The following JAKMIP1 variants were observed in gnomAD, a reference collection of about 807,000 sequenced individuals.
JAKMIP1 encodes the protein janus kinase and microtubule-interacting protein 1.
A neutral mutation model predicts 113.0 loss-of-function variants in JAKMIP1; 33 were observed. The observed-to-expected ratio is 0.29, with a 90% CI of 0.22 to 0.39. JAKMIP1 has a LOEUF of 0.39. Among genes scored for constraint, JAKMIP1 ranks in the 10% least tolerant of loss-of-function variants. JAKMIP1 has a pLI of 1.00. For missense variants in JAKMIP1, 813 were observed against 1,080.5 expected (o/e 0.75, Z 3.47); for synonymous variants, 480 against 459.9 (o/e 1.04, Z -0.56).
Position 6,180,567 on chromosome 4 carries a change from T to G in JAKMIP1, c.-148+19686A>C, listed in dbSNP as rs1024490119. On this transcript the variant is annotated intron_variant, in intron 1 of 20. Transcript: ENST00000409021. The surrounding 1 kb of genome is among the most constrained non-coding windows in gnomAD (Gnocchi z 4.5). ...CATGCACCAAGTAATAAGTCACCAT[T>G]TATATAGCTCTCACTGTGTAGCAGG... Among the ~76,000 whole-genome samples the G allele has an allele frequency of 7.9e-5, 12 of 152,146 alleles. No homozygotes were observed. The highest frequency in any genetic ancestry group is 2.7e-4 in the African/African-American group (11 of 41,430).
intron 18 of JAKMIP1, among the ~76,000 whole-genome samples, chr4:6,038,384 A>C (rs190919082): frequency 1.6e-5 from 2 of 125,570 alleles, no homozygotes; most frequent in East Asian, 4.0e-4. Flanking sequence ...GGCAGAGGCT[A>C]ACCCAATAGC....
chr4:6,134,061 C>G lies in JAKMIP1; in HGVS notation c.-147-21064G>C, dbSNP rs553360282. On this transcript the variant is annotated intron_variant, in intron 1 of 20. Coordinates refer to ENST00000409021, the MANE Select transcript of JAKMIP1 (RefSeq NM_001099433.2). ...ATTGTAATCCCCCTGATCCCCAGGT[C>G]GAGGGAGATGCCTGGAGGAAGGTGA... is the stretch of plus-strand genomic sequence containing the variant. 1.1e-3 allele frequency among the ~76,000 whole-genome samples: 160 copies of G among 152,278 alleles called. 1 individual carries two copies. The highest frequency in any genetic ancestry group is 3.2e-3 in the African/African-American group (133 of 41,564).
rs77004710 is a variant in JAKMIP1 at position 6,161,392 on chromosome 4, C to T, written c.-148+38861G>A. Among the ~76,000 whole-genome samples, 1,246 of 147,430 alleles carry T rather than the reference C, an allele frequency of 8.5e-3. 12 individuals carry two copies. The highest frequency in any genetic ancestry group is 0.031 in the African/African-American group (1,166 of 37,120). On this transcript the variant is annotated intron_variant, in intron 1 of 20. Transcript: ENST00000409021. ...TGTGGTCCGACCTATCTGGCTGCCCCGTGGGCTTTGGCATAGCTGGCAGGT... is the reference window on the plus strand; with the variant it reads ...TGTGGTCCGACCTATCTGGCTGCCCTGTGGGCTTTGGCATAGCTGGCAGGT...
intron 1 of JAKMIP1, among the ~76,000 whole-genome samples, chr4:6,132,297 A>C (rs1418241210): frequency 2.0e-5 from 3 of 152,220 alleles, no homozygotes; most frequent in African/African-American, 7.2e-5. Context: ...AAGTTTTTTA[A>C]AAAGTACACT....
In JAKMIP1 at chr4:6,049,679, G is replaced by A; in HGVS notation, c.1962+140C>T. The A allele has an allele frequency of 7.5e-6, 5 of 668,946 alleles. No homozygotes were observed. In the Admixed American group the frequency reaches 1.3e-4, roughly 18 times the overall value. 41.4% of individuals were successfully genotyped at this position (668,946 alleles called of 1,614,324 possible). On this transcript the variant is annotated intron_variant, in intron 15 of 20. Transcript: ENST00000409021. The surrounding 1 kb of genome is among the most constrained non-coding windows in gnomAD (Gnocchi z 7.0). ...ACCCCACCACCCACACAGGAACACG[G>A]CCATACAAAAGCCTTACATTGTACT...
intron 2 of JAKMIP1, among the ~76,000 whole-genome samples, chr4:6,111,597 C>T (rs765087522): frequency 6.6e-6 from 1 of 152,314 alleles, no homozygotes; most frequent in East Asian, 1.9e-4. Flanking sequence ...ACAGAGGTTT[C>T]GGAGACTTTT....
chr4:6,088,756 G>C lies in JAKMIP1; in HGVS notation c.625-3127C>G, dbSNP rs1220598415. ...TCCTGGATCACAAGCTGAGCTCTTA[G>C]TGATCCTATCTCGCTGCCCTTGGGA... is the stretch of plus-strand genomic sequence containing the variant. On this transcript the variant is annotated intron_variant, in intron 3 of 20. Coordinates refer to ENST00000409021, the MANE Select transcript of JAKMIP1 (RefSeq NM_001099433.2). The surrounding 1 kb of genome is among the most constrained non-coding windows in gnomAD (Gnocchi z 5.5). Among the ~76,000 whole-genome samples, 1 of 152,150 alleles carries C rather than the reference G, an allele frequency of 6.6e-6. No homozygotes were observed. Among genetic ancestry groups the C allele is most frequent in the Non-Finnish European group, 1.5e-5 (1 of 68,024 alleles).
At position 6,080,359 on chromosome 4, in the gene JAKMIP1, T is replaced by C. The variant is rs1489624632; in HGVS notation, c.1102-47A>G. ...CCACCACAGGGTTACCCGCCAACAG[T>C]GTTTGTTAGGGACAGTGCTGGAGTG... On this transcript the variant is annotated intron_variant, in intron 6 of 20. Transcript: ENST00000409021. This position sits in a 1 kb window ranked among gnomAD's most constrained non-coding sequence, Gnocchi z 6.0. The C allele has an allele frequency of 3.1e-6, 5 of 1,600,984 alleles. No individual in the cohort carries two copies. Among genetic ancestry groups the C allele is most frequent in the Non-Finnish European group, 4.3e-6 (5 of 1,173,288 alleles).
In JAKMIP1 at chr4:6,197,930, G is replaced by C. The variant is rs1728017489; in HGVS notation, c.-148+2323C>G. ...CACCCTTACACACCAAGAGAGTGGGGCCACGGTCCTGCCACTTCCTCGTGC... is the reference window on the plus strand; with the variant it reads ...CACCCTTACACACCAAGAGAGTGGGCCCACGGTCCTGCCACTTCCTCGTGC... On this transcript the variant is annotated intron_variant, in intron 1 of 20. Coordinates refer to ENST00000409021, the MANE Select transcript of JAKMIP1 (RefSeq NM_001099433.2). This position sits in a 1 kb window ranked among gnomAD's most constrained non-coding sequence, Gnocchi z 6.5. Among the ~76,000 whole-genome samples, 1 of 152,222 alleles carries C rather than the reference G, an allele frequency of 6.6e-6. No homozygotes were observed. The highest frequency in any genetic ancestry group is 1.5e-5 in the Non-Finnish European group (1 of 68,040).
At chr4:6,100,793 T>A (rs376510856) in intron 3 of JAKMIP1, among the ~76,000 whole-genome samples, 1 of 152,224 alleles carries the variant, frequency 6.6e-6, no homozygotes, top group African/African-American at 2.4e-5. Flanking sequence ...TATCTAGTTG[T>A]AATTTTACTC....
At chr4:6,105,363 G>A (rs1713726229) in intron 3 of JAKMIP1, 110 bp downstream of exon 3, 3 of 1,182,282 alleles carry the variant, frequency 2.5e-6, no homozygotes, top group South Asian at 1.5e-5. Flanking sequence ...GGGCCCCAGT[G>A]CTTTGAACAA....
chr4:6,170,713 ACCATCC>A (rs1443092240), intron 1 of JAKMIP1, among the ~76,000 whole-genome samples: 5 of 74,784 alleles, frequency 6.7e-5, no homozygotes, highest in South Asian at 4.1e-4. Flanking sequence ...CATCACCACC[ACCATCC>A]CCATCCCCAT....
intron 8 of JAKMIP1, among the ~76,000 whole-genome samples, chr4:6,075,231 T>A (rs966216270): frequency 5.3e-5 from 8 of 152,168 alleles, no homozygotes; most frequent in African/African-American, 1.9e-4. Context: ...CATCCATTTT[T>A]TTTTTCCTGA....
In JAKMIP1 at chr4:6,040,028, C is replaced by T. The variant is rs369771498; in HGVS notation, c.2175+611G>A. 1.2e-3 allele frequency among the ~76,000 whole-genome samples: 180 copies of T among 152,318 alleles called. 1 individual carries two copies. The highest frequency in any genetic ancestry group is 2.3e-3 in the Non-Finnish European group (155 of 68,028). On this transcript the variant is annotated intron_variant, in intron 18 of 20. Coordinates refer to ENST00000409021, the MANE Select transcript of JAKMIP1 (RefSeq NM_001099433.2). This position sits in a 1 kb window ranked among gnomAD's most constrained non-coding sequence, Gnocchi z 5.8. ...GAACTCTAAATTCTCTCTCCTGCAG[C>T]GACAAGTTTCTATGATCTTACTCAA...
chr4:6,078,892 C>G (rs1720074144), intron 8 of JAKMIP1, 47 bp downstream of exon 8: 28 of 1,605,374 alleles, frequency 1.7e-5, no homozygotes, highest in Non-Finnish European at 2.2e-5. Flanking sequence ...CCCTGCAGAT[C>G]CGTGACACAG....
chr4:6,171,047 C>T (rs1419025626), intron 1 of JAKMIP1, among the ~76,000 whole-genome samples: 9 of 149,952 alleles, frequency 6.0e-5, no homozygotes, highest in Non-Finnish European at 1.2e-4. Context: ...CCCTCACCAC[C>T]ATCACCATGC....
intron 16 of JAKMIP1, among the ~76,000 whole-genome samples, chr4:6,046,795 G>C (rs1350983368): frequency 1.3e-5 from 2 of 152,198 alleles, no homozygotes; most frequent in African/African-American, 4.8e-5. Flanking sequence ...GTCGGGCGTG[G>C]GGAGGGGTAC....
At chr4:6,039,264 G>A (rs1713985729) in intron 18 of JAKMIP1, among the ~76,000 whole-genome samples, 1 of 152,130 alleles carries the variant, frequency 6.6e-6, no homozygotes, top group Admixed American at 6.5e-5. Context: ...AGTGTGTTTT[G>A]GGAAATGCCA....
intron 3 of JAKMIP1, among the ~76,000 whole-genome samples, chr4:6,101,656 G>T (rs1713044857): frequency 6.7e-6 from 1 of 148,528 alleles, no homozygotes; most frequent in South Asian, 2.1e-4. Context: ...GGAGGCCAAG[G>T]CAGGTGGATC....
Sources: gnomAD v4.1 joint callset for allele counts (sites outside exome capture counted in the v4.1 genomes callset) on GRCh38, gnomAD v4.1.1 for gene constraint, Gnocchi (gnomAD v3.1) non-coding constraint, MANE v1.5 for transcripts, NCBI Gene and HGNC (gene_info 2026-07-23, HGNC 2026-07-21) for gene names.